DISC1: variants seen among roughly 807,000 people sequenced by gnomAD.
DISC1 encodes DISC1 scaffold protein.
Under a neutral mutation model 84.5 loss-of-function variants are expected in DISC1, and 57 were observed. The observed-to-expected ratio is 0.67, with a 90% CI of 0.55 to 0.84. DISC1 has a LOEUF of 0.84. Ranked by LOEUF, DISC1 falls within the 40% of genes least tolerant of loss-of-function variation. DISC1 has a pLI of 0.00. For synonymous variants in DISC1, 411 were observed against 415.2 expected (o/e 0.99, Z 0.12); for missense variants, 1,000 against 1,057.8 (o/e 0.95, Z 0.76).
intron 1 of DISC1, among the ~76,000 whole-genome samples, chr1:231,678,652 G>GCT (rs1287881286): frequency 1.3e-5 from 2 of 152,012 alleles, no homozygotes; most frequent in Non-Finnish European, 2.9e-5. Flanking sequence ...TGACTACGTT[G>GCT]CTCTATCTCT....
chr1:231,935,780 G>T (rs902439241), intron 9 of DISC1, among the ~76,000 whole-genome samples: 2 of 152,170 alleles, frequency 1.3e-5, no homozygotes, highest in Non-Finnish European at 1.5e-5. Flanking sequence ...AAATGTGGAC[G>T]TGCACAATGG....
At chr1:231,699,016 C>A (rs1462909226) in intron 2 of DISC1, among the ~76,000 whole-genome samples, 1 of 152,156 alleles carries the variant, frequency 6.6e-6, no homozygotes, top group African/African-American at 2.4e-5. Context: ...AGGCTCAACA[C>A]AACAAAATTG....
At chr1:231,783,947 TAAA>T (rs965169075) in intron 6 of DISC1, among the ~76,000 whole-genome samples, 2 of 152,064 alleles carry the variant, frequency 1.3e-5, no homozygotes, top group African/African-American at 2.4e-5. Context: ...TGCATCTTAT[TAAA>T]AAGGGTTCAT....
rs1036357118 is a variant in DISC1 at position 232,039,163 on chromosome 1, G to A, written c.*2332G>A. On this transcript the variant is annotated 3_prime_UTR_variant, in exon 13 of 13. Transcript: ENST00000439617. ...TTGTGTCTAAAGAAAATTATGAACT[G>A]GTCACATGGCACTTGGAATCCTTGA... is the stretch of plus-strand genomic sequence containing the variant. The A allele has an allele frequency of 6.6e-6, 1 of 152,170 alleles. No homozygotes were observed. The highest frequency in any genetic ancestry group is 2.1e-4 in the South Asian group (1 of 4,826). 9.4% of individuals were successfully genotyped at this position (152,170 alleles called of 1,614,324 possible).
Position 232,040,299 on chromosome 1 carries a change from T to G in DISC1, c.*3468T>G, listed in dbSNP as rs1183273782. On this transcript the variant is annotated 3_prime_UTR_variant, in exon 13 of 13. Transcript: ENST00000439617. Reference sequence around the variant, plus strand: ...GTGAGCCACCGCACCCGGCCAACTTTCTGAAATTTCAAAACTGAATTGATC... The same window carrying G: ...GTGAGCCACCGCACCCGGCCAACTTGCTGAAATTTCAAAACTGAATTGATC... The G allele has an allele frequency of 6.6e-6, 1 of 152,158 alleles. No homozygotes were observed. Among genetic ancestry groups the G allele is most frequent in the East Asian group, 1.9e-4 (1 of 5,184 alleles). 9.4% of individuals were successfully genotyped at this position (152,158 alleles called of 1,614,324 possible).
chr1:231,960,636 CA>C (rs1259896107), intron 10 of DISC1, among the ~76,000 whole-genome samples: 1 of 152,168 alleles, frequency 6.6e-6, no homozygotes, highest in Non-Finnish European at 1.5e-5. Context: ...TCACACAATG[CA>C]ATAATCAACA....
intron 10 of DISC1, among the ~76,000 whole-genome samples, chr1:231,974,573 T>C (rs1452717173): frequency 2.6e-5 from 4 of 152,278 alleles, no homozygotes; most frequent in Non-Finnish European, 5.9e-5. Context: ...TCCGTTTGCT[T>C]AACTTCCGTA....
At chr1:231,753,148 C>A (rs1010232758) in intron 4 of DISC1, among the ~76,000 whole-genome samples, 2 of 152,224 alleles carry the variant, frequency 1.3e-5, no homozygotes, top group African/African-American at 4.8e-5. Context: ...CTCCACTAGG[C>A]AGTGCCCCAG....
intron 9 of DISC1, among the ~76,000 whole-genome samples, chr1:231,841,832 A>G (rs1315299908): frequency 6.6e-6 from 1 of 152,234 alleles, no homozygotes; most frequent in African/African-American, 2.4e-5. Flanking sequence ...AGTCAACCTC[A>G]GACAAGAGGG....
intron 9 of DISC1, among the ~76,000 whole-genome samples, chr1:231,837,567 T>A (rs2082712946): frequency 6.8e-6 from 1 of 146,596 alleles, no homozygotes; most frequent in Non-Finnish European, 1.5e-5. Context: ...ATTAAGACAC[T>A]GGTGTATTTC....
intron 9 of DISC1, among the ~76,000 whole-genome samples, chr1:231,840,462 G>A (rs533597639): frequency 5.9e-5 from 9 of 152,262 alleles, no homozygotes; most frequent in Non-Finnish European, 8.8e-5. Context: ...AGTGGAACAC[G>A]ACTCAGTAAT....
chr1:231,733,116 GGTAGGA>G (rs2071805457), intron 3 of DISC1, among the ~76,000 whole-genome samples: 1 of 151,106 alleles, frequency 6.6e-6, no homozygotes, highest in Admixed American at 6.6e-5. Flanking sequence ...TGGTGGTAGT[GGTAGGA>G]GTGGTGGTGA....
At chr1:231,869,196 GGAA>G (rs2085282012) in intron 9 of DISC1, among the ~76,000 whole-genome samples, 1 of 152,160 alleles carries the variant, frequency 6.6e-6, no homozygotes, top group South Asian at 2.1e-4. Context: ...AAGTGGTGAA[GGAA>G]GAAGATGGTT....
At chr1:231,786,959 C>G (rs959441645) in intron 6 of DISC1, among the ~76,000 whole-genome samples, 1 of 152,148 alleles carries the variant, frequency 6.6e-6, no homozygotes, top group Non-Finnish European at 1.5e-5. Flanking sequence ...CTTTGGCGCC[C>G]CATTTACCCT....
At chr1:231,712,229 C>A (rs1475461103) in intron 3 of DISC1, among the ~76,000 whole-genome samples, 1 of 152,196 alleles carries the variant, frequency 6.6e-6, no homozygotes, top group African/African-American at 2.4e-5. Flanking sequence ...AAACTGATTT[C>A]AGACTTCTGG....
chr1:231,643,420 T>A (rs931029950), intron 1 of DISC1, among the ~76,000 whole-genome samples: 3 of 152,186 alleles, frequency 2.0e-5, no homozygotes, highest in Non-Finnish European at 4.4e-5. Flanking sequence ...GCACACACAC[T>A]GTATACACGG....
intron 1 of DISC1, among the ~76,000 whole-genome samples, chr1:231,632,035 G>A (rs1024176492): frequency 6.6e-6 from 1 of 152,124 alleles, no homozygotes; most frequent in Non-Finnish European, 1.5e-5. Context: ...TCTATGTTTA[G>A]ATATGTTTAG....
At position 231,973,098 on chromosome 1, in the gene DISC1, G is replaced by C. The variant is rs547767306; in HGVS notation, c.2042+14210G>C. Among the ~76,000 whole-genome samples the C allele has an allele frequency of 9.3e-5, 14 of 149,734 alleles. No individual in the cohort carries two copies. In the East Asian group the frequency reaches 2.8e-3, roughly 30 times the overall value. Reference sequence around the variant, plus strand: ...GTCTCACTCTGTTATCCAGGCTGGAGTGCAGTGGTGTAATCTCAGCTCACT... The same window carrying C: ...GTCTCACTCTGTTATCCAGGCTGGACTGCAGTGGTGTAATCTCAGCTCACT... On this transcript the variant is annotated intron_variant, in intron 10 of 12. Transcript: ENST00000439617.
intron 10 of DISC1, among the ~76,000 whole-genome samples, chr1:232,002,474 G>A (rs746226248): frequency 2.6e-5 from 4 of 152,098 alleles, no homozygotes; most frequent in Admixed American, 1.3e-4. Flanking sequence ...AGGAGTATCC[G>A]AGATGTCTTT....
Sources: allele counts gnomAD v4.1 joint callset (sites outside exome capture counted in the v4.1 genomes callset), GRCh38; gene constraint gnomAD v4.1.1; transcripts MANE v1.5; gene names NCBI Gene and HGNC (gene_info 2026-07-23, HGNC 2026-07-21).